The following KIAA0232 variants were observed in gnomAD, a reference collection of about 807,000 sequenced individuals.
KIAA0232 encodes KIAA0232, also known as uncharacterized protein KIAA0232.
Under a neutral mutation model 122.0 loss-of-function variants are expected in KIAA0232, and 27 were observed. The observed-to-expected ratio is 0.22, with a 90% CI of 0.16 to 0.31. The LOEUF (loss-of-function observed/expected upper bound fraction) is 0.31. Among genes scored for constraint, KIAA0232 ranks in the 10% least tolerant of loss-of-function variants. The probability of loss-of-function intolerance (pLI) is 1.00; values close to 1 mark genes in which losing one functional copy is unlikely to be tolerated. For missense variants in KIAA0232, 1,551 were observed against 1,634.2 expected (o/e 0.95, Z 0.88); for synonymous variants, 613 against 587.6 (o/e 1.04, Z -0.63).
chr4:6,849,521 C>CAGGAGAAT (rs1370325926), intron 4 of KIAA0232, among the ~76,000 whole-genome samples: 1 of 152,132 alleles, frequency 6.6e-6, no homozygotes, highest in Non-Finnish European at 1.5e-5. Flanking sequence ...GAGGCTGAGA[C>CAGGAGAAT]AGGAGAATCA....
Position 6,824,794 on chromosome 4 carries a change from C to G in KIAA0232, c.231+110C>G. The G allele has an allele frequency of 9.9e-6, 9 of 906,610 alleles. No individual in the cohort carries two copies. In the South Asian group the frequency reaches 1.4e-4, roughly 14 times the overall value. The allele number at this position is 906,610 out of a possible 1,614,324, so 56.2% of individuals were successfully genotyped here. Reference sequence around the variant, plus strand: ...AAACTGAGCTATTCATGTGTGTGTGCAAACATTTAACCTGTCAGTGACCAG... The same window carrying G: ...AAACTGAGCTATTCATGTGTGTGTGGAAACATTTAACCTGTCAGTGACCAG... On this transcript the variant is annotated intron_variant, in intron 3 of 9. Coordinates refer to ENST00000307659, the MANE Select transcript of KIAA0232 (RefSeq NM_014743.3).
intron 3 of KIAA0232, among the ~76,000 whole-genome samples, chr4:6,828,333 C>T (rs957348224): frequency 2.0e-5 from 3 of 152,148 alleles, no homozygotes; most frequent in South Asian, 2.1e-4. Flanking sequence ...GCGATCATGA[C>T]GCTGCACTCC....
intron 2 of KIAA0232, among the ~76,000 whole-genome samples, chr4:6,812,292 C>T (rs1052160104): frequency 6.6e-6 from 1 of 152,130 alleles, no homozygotes; most frequent in Non-Finnish European, 1.5e-5. Context: ...TGCACACCGG[C>T]TCCATGAGGC....
At chr4:6,807,607 G>A (rs988922689) in intron 2 of KIAA0232, among the ~76,000 whole-genome samples, 1 of 152,126 alleles carries the variant, frequency 6.6e-6, no homozygotes, top group South Asian at 2.1e-4. Flanking sequence ...AGGGTAAACC[G>A]GTTTACATAG....
chr4:6,789,371 T>G (rs990353716), intron 1 of KIAA0232, among the ~76,000 whole-genome samples: 2 of 151,532 alleles, frequency 1.3e-5, no homozygotes. Context: ...TCTCGTGGGT[T>G]CAAGTGATTC....
At chr4:6,807,222 T>TA (rs1717675476) in intron 2 of KIAA0232, among the ~76,000 whole-genome samples, 1 of 152,164 alleles carries the variant, frequency 6.6e-6, no homozygotes, top group Non-Finnish European at 1.5e-5. Flanking sequence ...CTTTTAAACA[T>TA]AAAGATCAAC....
intron 8 of KIAA0232, among the ~76,000 whole-genome samples, chr4:6,875,159 C>T (rs956081312): frequency 1.3e-5 from 2 of 152,218 alleles, no homozygotes; most frequent in South Asian, 2.1e-4. Context: ...CCTCCCCAGC[C>T]GCCCTAGGGC....
In KIAA0232 at chr4:6,861,793, G is replaced by A. The variant is rs1465931193; in HGVS notation, c.1411G>A (p.Val471Ile). The A allele has an allele frequency of 1.9e-6, 3 of 1,614,126 alleles. No individual in the cohort carries two copies. Among genetic ancestry groups the A allele is most frequent in the South Asian group, 1.1e-5 (1 of 91,068 alleles). Residue 471 changes from valine (V) to isoleucine (I), a missense_variant, in exon 7 of 10, where the codon GTA becomes ATA. Around this residue, in one of 5 missense-constraint regions of KIAA0232, gnomAD observed 1,108 missense variants for 1,154.8 expected, o/e 0.96. Transcript: ENST00000307659. ...AAGTFIDGHF[V>I]EMPAVINEDI... is the part of the protein sequence containing the mutation. ...AGGTACTTTCATTGATGGTCATTTT[G>A]TAGAAATGCCTGCAGTTATAAATGA...
chr4:6,816,243 A>G (rs1196699430), intron 2 of KIAA0232, among the ~76,000 whole-genome samples: 1 of 151,248 alleles, frequency 6.6e-6, no homozygotes, highest in Non-Finnish European at 1.5e-5. Context: ...ATCTGTACTC[A>G]TGAGGCATAT....
rs867190065 is a variant in KIAA0232, at chr4:6,814,119, C to G, written c.-270+9513C>G. Reference sequence around the variant, plus strand: ...GTATGTGCTGAGCTCTCTCTCTGGACTGCTTGGGGATAACGTAGTTTAAAT... The same window carrying G: ...GTATGTGCTGAGCTCTCTCTCTGGAGTGCTTGGGGATAACGTAGTTTAAAT... On this transcript the variant is annotated intron_variant, in intron 2 of 9. Coordinates refer to ENST00000307659, the MANE Select transcript of KIAA0232 (RefSeq NM_014743.3). 5.9e-5 allele frequency among the ~76,000 whole-genome samples: 9 copies of G among 152,252 alleles called. No individual in the cohort carries two copies. The South Asian group carries it at 1.9e-3, about 32-fold the overall frequency.
chr4:6,848,590 G>A (rs959200731), intron 4 of KIAA0232, among the ~76,000 whole-genome samples: 2 of 152,162 alleles, frequency 1.3e-5, no homozygotes, highest in African/African-American at 4.8e-5. Flanking sequence ...CAAATATTAT[G>A]CCATTTTATA....
At chr4:6,813,668 G>T (rs1253702429) in intron 2 of KIAA0232, among the ~76,000 whole-genome samples, 1 of 152,080 alleles carries the variant, frequency 6.6e-6, no homozygotes, top group African/African-American at 2.4e-5. Context: ...GGCCAGGTCT[G>T]TTGTTTTTTT....
chr4:6,835,978 A>G lies in KIAA0232; in HGVS notation c.232-6089A>G, dbSNP rs548099630. Reference sequence around the variant, plus strand: ...GCATGATTTATAATCCTTTGGGTATATACCCAGTAATGGGAATGCTGGGTC... The same window carrying G: ...GCATGATTTATAATCCTTTGGGTATGTACCCAGTAATGGGAATGCTGGGTC... On this transcript the variant is annotated intron_variant, in intron 3 of 9. Coordinates refer to ENST00000307659, the MANE Select transcript of KIAA0232 (RefSeq NM_014743.3). 2.0e-5 allele frequency among the ~76,000 whole-genome samples: 3 copies of G among 152,348 alleles called. No homozygotes were observed. In the East Asian group the frequency reaches 5.8e-4, roughly 29 times the overall value.
chr4:6,854,459 A>G (rs774476127), intron 4 of KIAA0232, among the ~76,000 whole-genome samples: 15 of 152,194 alleles, frequency 9.9e-5, no homozygotes, highest in Admixed American at 9.8e-4. Flanking sequence ...TCAGGAGGAC[A>G]GGGGTCGTCA....
chr4:6,795,229 C>T (rs375716879), intron 1 of KIAA0232, among the ~76,000 whole-genome samples: 1 of 152,232 alleles, frequency 6.6e-6, no homozygotes, highest in African/African-American at 2.4e-5. Context: ...CACCACCACG[C>T]CTAGCTAATT....
chr4:6,829,145 T>C (rs574577372), intron 3 of KIAA0232, among the ~76,000 whole-genome samples: 2 of 152,216 alleles, frequency 1.3e-5, no homozygotes, highest in East Asian at 3.9e-4. Flanking sequence ...TTAATTTGGG[T>C]TTTTCGGATA....
At chr4:6,850,562 C>T (rs1488651596) in intron 4 of KIAA0232, among the ~76,000 whole-genome samples, 1 of 151,910 alleles carries the variant, frequency 6.6e-6, no homozygotes, top group Non-Finnish European at 1.5e-5. Context: ...TTCTTCGTTC[C>T]TAAGTAGTTC....
chr4:6,806,141 A>C (rs1717604935), intron 2 of KIAA0232, among the ~76,000 whole-genome samples: 1 of 152,102 alleles, frequency 6.6e-6, no homozygotes, highest in Non-Finnish European at 1.5e-5. Flanking sequence ...TAAAAAAGGC[A>C]TTTTTTTAAA....
intron 8 of KIAA0232, among the ~76,000 whole-genome samples, chr4:6,873,096 C>T (rs1334481943): frequency 6.6e-6 from 1 of 152,242 alleles, no homozygotes; most frequent in African/African-American, 2.4e-5. Flanking sequence ...CATATCTGGA[C>T]AGCCTTGGTT....
Sources: gnomAD v4.1 joint callset for allele counts (sites outside exome capture counted in the v4.1 genomes callset) on GRCh38, gnomAD v4.1.1 for gene constraint, gnomAD v4.1.1 regional missense constraint, MANE v1.5 for transcripts, NCBI Gene and HGNC (gene_info 2026-07-23, HGNC 2026-07-21) for gene names.